The following METTL25 variants were observed in gnomAD, a reference collection of about 807,000 sequenced individuals.
METTL25 encodes probable methyltransferase-like protein 25.
A neutral mutation model predicts 71.6 loss-of-function variants in METTL25; 64 were observed. That is an observed-to-expected ratio of 0.89 (90% CI 0.73 to 1.10). METTL25 has a LOEUF of 1.10. Ranked by LOEUF, METTL25 falls within the 50% of genes least tolerant of loss-of-function variation. METTL25 has a pLI of 0.00. For missense variants in METTL25, 807 were observed against 707.0 expected, an observed-to-expected ratio of 1.14 and a Z score of -1.60; for synonymous variants, 287 against 250.3, an observed-to-expected ratio of 1.15 and a Z score of -1.38.
chr12:82,424,904 C>A (rs1041433746), intron 5 of METTL25, among the ~76,000 whole-genome samples: 2 of 151,984 alleles, frequency 1.3e-5, no homozygotes, highest in African/African-American at 2.4e-5. Context: ...AAGTATTCTT[C>A]CCTAGAGCCT....
chr12:82,476,566 T>C, intron 9 of METTL25, 78 bp from the exon 10 acceptor site: 1 of 926,196 alleles, frequency 1.1e-6, no homozygotes, highest in Non-Finnish European at 1.7e-6. Context: ...GTCATGTTTA[T>C]TTTACTTTAG....
intron 1 of METTL25, among the ~76,000 whole-genome samples, chr12:82,379,580 G>C (rs910622887): frequency 3.3e-5 from 5 of 152,110 alleles, no homozygotes; most frequent in African/African-American, 1.2e-4. Flanking sequence ...ACATTCTCGT[G>C]AAGCAAACTT....
At chr12:82,406,171 A>C (rs1333488825) in intron 5 of METTL25, among the ~76,000 whole-genome samples, 3 of 152,196 alleles carry the variant, frequency 2.0e-5, no homozygotes, top group South Asian at 2.1e-4. Context: ...TGGTGGAGAT[A>C]CAAAAATGAG....
chr12:82,476,806 T>C, intron 10 of METTL25, 88 bp downstream of exon 10: 1 of 796,786 alleles, frequency 1.3e-6, no homozygotes, highest in Non-Finnish European at 2.0e-6. Flanking sequence ...CTAAGCAATC[T>C]ATGTTGTTTT....
intron 9 of METTL25, among the ~76,000 whole-genome samples, chr12:82,461,130 A>G (rs1041618307): frequency 1.3e-5 from 2 of 152,188 alleles, no homozygotes; most frequent in African/African-American, 2.4e-5. Context: ...GTGACAGAGC[A>G]AGACTCCGTC....
intron 5 of METTL25, among the ~76,000 whole-genome samples, chr12:82,417,412 C>T (rs116152937): frequency 4.4e-4 from 67 of 152,184 alleles, no homozygotes; most frequent in African/African-American, 1.5e-3. Context: ...TAAATATATT[C>T]ACATTATAAA....
chr12:82,473,288 T>C (rs1892672469), intron 9 of METTL25, among the ~76,000 whole-genome samples: 2 of 152,148 alleles, frequency 1.3e-5, no homozygotes, highest in Non-Finnish European at 2.9e-5. Flanking sequence ...ACACAGTTGC[T>C]TAGCCAGCCT....
At chr12:82,395,908 C>T (rs1463420007) in intron 3 of METTL25, among the ~76,000 whole-genome samples, 1 of 152,090 alleles carries the variant, frequency 6.6e-6, no homozygotes, top group Non-Finnish European at 1.5e-5. Context: ...ATAGCCCTTG[C>T]ATGAGTATGA....
At chr12:82,408,076 C>T (rs1221090917) in intron 5 of METTL25, 1 of 355,164 alleles carries the variant, frequency 2.8e-6, no homozygotes, top group South Asian at 1.1e-4. Context: ...ATAATAATCT[C>T]TAGGCATAGG....
intron 5 of METTL25, among the ~76,000 whole-genome samples, chr12:82,415,253 G>A (rs979954513): frequency 1.3e-5 from 2 of 151,992 alleles, no homozygotes; most frequent in African/African-American, 2.4e-5. Context: ...AAAATTGGGT[G>A]TTTATTTTCT....
chr12:82,399,344 T>G lies in METTL25; in HGVS notation c.1081T>G (p.Ser361Ala). The change falls in exon 4 of 12, where the codon TCT becomes GCT. Residue 361 changes from serine to alanine, a missense_variant. Transcript: ENST00000248306. ...ATCAAATATATATTCACCTTTAACC[T>G]CTTTTATCACTGCTGATTCAGAACT... Reference protein sequence around the residue: ...SESNIYSPLTSFITADSELHD... With the variant: ...SESNIYSPLTAFITADSELHD... The G allele has an allele frequency of 6.2e-7, 1 of 1,603,964 alleles. No homozygotes were observed. The highest frequency in any genetic ancestry group is 1.7e-4 in the Middle Eastern group (1 of 5,986).
chr12:82,369,424 C>T (rs1427959921), intron 1 of METTL25: 6 of 445,568 alleles, frequency 1.3e-5, no homozygotes, highest in Admixed American at 2.4e-5. Context: ...AATGAAGCCA[C>T]GGACCTTTGC....
intron 1 of METTL25, among the ~76,000 whole-genome samples, chr12:82,380,534 A>C (rs2136914335): frequency 6.6e-6 from 1 of 152,312 alleles, no homozygotes; most frequent in Admixed American, 6.5e-5. Context: ...TGAATTACAT[A>C]AAACAACCCT....
chr12:82,371,950 A>C lies in METTL25; in HGVS notation c.259+13126A>C, dbSNP rs141128798. ...TCCTCATGATCTGAGTCTATATCCC[A>C]GTGGATCCATACTGGGGACGGCTTG... On this transcript the variant is annotated intron_variant, in intron 1 of 11. Transcript: ENST00000248306. Among the ~76,000 whole-genome samples the C allele has an allele frequency of 2.5e-3, 387 of 152,260 alleles. 2 individuals are homozygous for C. The highest frequency in any genetic ancestry group is 8.8e-3 in the African/African-American group (365 of 41,554).
At chr12:82,384,772 C>T (rs545125643) in intron 1 of METTL25, among the ~76,000 whole-genome samples, 2 of 151,888 alleles carry the variant, frequency 1.3e-5, no homozygotes, top group African/African-American at 4.8e-5. Context: ...TTGATTTTAA[C>T]GTTTACATTT....
chr12:82,417,018 A>G (rs1426185218), intron 5 of METTL25, among the ~76,000 whole-genome samples: 1 of 152,144 alleles, frequency 6.6e-6, no homozygotes, highest in African/African-American at 2.4e-5. Context: ...TAAACTTGCA[A>G]CTAAAACTGA....
chr12:82,437,894 T>G (rs1337209612), intron 7 of METTL25, among the ~76,000 whole-genome samples: 1 of 151,754 alleles, frequency 6.6e-6, no homozygotes, highest in Non-Finnish European at 1.5e-5. Flanking sequence ...CATTATTTTG[T>G]GTTGGATGTT....
In METTL25 at chr12:82,403,033, T is replaced by G; in HGVS notation, c.1182T>G (p.Thr394=). The stretch of plus-strand genomic sequence containing the variant: ...CTTGTGGTGATCTGGCTCCAAATAC[T>G]TTGCGAATATTTACCTCCAACTCTG... ...LHTCGDLAPN[T]LRIFTSNSEI... The change falls in exon 5 of 12, where the codon ACT becomes ACG. Residue 394 remains threonine (T), a synonymous_variant. Coordinates refer to ENST00000248306, the MANE Select transcript of METTL25 (RefSeq NM_032230.3). 3 of 1,613,362 alleles carry G rather than the reference T, an allele frequency of 1.9e-6. No homozygotes were observed. The highest frequency in any genetic ancestry group is 2.5e-6 in the Non-Finnish European group (3 of 1,179,430).
At position 82,476,705 on chromosome 12, in the gene METTL25, A is replaced by G. The variant is rs757021125; in HGVS notation, c.1634A>G (p.Glu545Gly). The G allele has an allele frequency of 6.3e-7, 1 of 1,592,900 alleles. No individual in the cohort carries two copies. Among genetic ancestry groups the G allele is most frequent in the Middle Eastern group, 1.7e-4 (1 of 6,014 alleles). ...EKYKPRMNEL[E>G]AFNMLKVVLA... ...TATAAGCCTCGAATGAATGAGCTGG[A>G]AGCTTTTAATATGGTAAATCTCAGA... is the stretch of plus-strand genomic sequence containing the variant. Residue 545 changes from glutamate to glycine, a missense_variant, in exon 10 of 12, where the codon GAA becomes GGA. Transcript: ENST00000248306.
Sources: allele counts gnomAD v4.1 joint callset (sites outside exome capture counted in the v4.1 genomes callset), GRCh38; gene constraint gnomAD v4.1.1; transcripts MANE v1.5; gene names NCBI Gene and HGNC (gene_info 2026-07-23, HGNC 2026-07-21).